Variants in RPTOR observed in about 807,000 individuals in gnomAD.
RPTOR encodes the protein regulatory-associated protein of mTOR.
In RPTOR, 21 loss-of-function variants were observed where a neutral mutation model predicts 169.9. The ratio of observed to expected loss-of-function variants is 0.12; its 90% CI spans 0.09 to 0.18. RPTOR has a LOEUF of 0.18. RPTOR is among the 10% of genes least tolerant of loss of function. RPTOR has a pLI of 1.00. For synonymous variants in RPTOR, 732 were observed against 753.2 expected (o/e 0.97, Z 0.46); for missense variants, 1,133 against 1,855.9 (o/e 0.61, Z 7.16).
At chr17:80,566,220 C>T (rs1219081928) in intron 1 of RPTOR, among the ~76,000 whole-genome samples, 1 of 152,106 alleles carries the variant, frequency 6.6e-6, no homozygotes, top group Non-Finnish European at 1.5e-5. Context: ...TGAGAAATTC[C>T]CTGGGACTGC....
intron 1 of RPTOR, among the ~76,000 whole-genome samples, chr17:80,623,314 G>T (rs1449437157): frequency 1.3e-5 from 2 of 151,974 alleles, no homozygotes; most frequent in Non-Finnish European, 2.9e-5. Flanking sequence ...ATTTAACTAA[G>T]AATTTAGTAA....
At chr17:80,548,705 G>T (rs934381961) in intron 1 of RPTOR, among the ~76,000 whole-genome samples, 2 of 152,012 alleles carry the variant, frequency 1.3e-5, no homozygotes, top group Non-Finnish European at 2.9e-5. Flanking sequence ...GGTTACCTAC[G>T]TAAGAATCTC....
At chr17:80,764,374 A>G (rs200324364) in intron 6 of RPTOR, among the ~76,000 whole-genome samples, 40 of 134,834 alleles carry the variant, frequency 3.0e-4, no homozygotes, top group South Asian at 4.6e-4. Flanking sequence ...ATGTGTTCTC[A>G]TTGTTCAGTT....
At chr17:80,789,105 G>A (rs1346428959) in intron 6 of RPTOR, among the ~76,000 whole-genome samples, 1 of 152,120 alleles carries the variant, frequency 6.6e-6, no homozygotes, top group Non-Finnish European at 1.5e-5. Flanking sequence ...TATTTTCACT[G>A]AATTTATAAT....
At chr17:80,793,611 G>A (rs1296126656) in intron 7 of RPTOR, among the ~76,000 whole-genome samples, 1 of 152,144 alleles carries the variant, frequency 6.6e-6, no homozygotes, top group Non-Finnish European at 1.5e-5. Context: ...GCTGTGTGCT[G>A]TCCCATCCCC....
rs1452299941 is a variant in RPTOR at position 80,609,561 on chromosome 17, A to G, written c.163-16130A>G. ...ATAGTTCGAGACCAGCCTGGCCAACATGGTGAAACCCCATCTCTACTAAAA... is the reference window on the plus strand; with the variant it reads ...ATAGTTCGAGACCAGCCTGGCCAACGTGGTGAAACCCCATCTCTACTAAAA... On this transcript the variant is annotated intron_variant, in intron 1 of 33. Coordinates refer to ENST00000306801, the MANE Select transcript of RPTOR (RefSeq NM_020761.3). The surrounding 1 kb of genome is among the most constrained non-coding windows in gnomAD (Gnocchi z 4.8). 6.6e-6 allele frequency among the ~76,000 whole-genome samples: 1 copy of G among 152,190 alleles called. No homozygotes were observed. The highest frequency in any genetic ancestry group is 6.5e-5 in the Admixed American group (1 of 15,286).
chr17:80,687,114 G>A (rs1037401256), intron 3 of RPTOR, among the ~76,000 whole-genome samples: 2 of 152,334 alleles, frequency 1.3e-5, no homozygotes, highest in Admixed American at 1.3e-4. Flanking sequence ...CCCCTTTTCT[G>A]CAGGCAAAGT....
At chr17:80,677,360 T>A (rs1186679575) in intron 3 of RPTOR, among the ~76,000 whole-genome samples, 1 of 152,200 alleles carries the variant, frequency 6.6e-6, no homozygotes, top group East Asian at 1.9e-4. Flanking sequence ...TGCTCTCCAC[T>A]CTGGAGACAT....
rs1377553709 is a variant in RPTOR, at chr17:80,844,334, A to G, written c.1213-2139A>G. ...TAGTCAGGAATTTTTCTCTTTCTGC[A>G]TGGAGTAGTGACTCCAGCAGTGAGG... On this transcript the variant is annotated intron_variant, in intron 10 of 33. Transcript: ENST00000306801. This position sits in a 1 kb window ranked among gnomAD's most constrained non-coding sequence, Gnocchi z 4.7. 6.6e-6 allele frequency among the ~76,000 whole-genome samples: 1 copy of G among 152,096 alleles called. No homozygotes were observed. Among genetic ancestry groups the G allele is most frequent in the Non-Finnish European group, 1.5e-5 (1 of 68,012 alleles).
Position 80,695,448 on chromosome 17 carries a change from T to C in RPTOR, c.349-12393T>C, listed in dbSNP as rs884204. 0.69 allele frequency among the ~76,000 whole-genome samples: 105,421 copies of C among 152,064 alleles called. 37,792 individuals are homozygous for C. The highest frequency in any genetic ancestry group is 0.88 in the African/African-American group (36,617 of 41,504). ...CTGGGCGGGACCTGTGCTCTCTCCC[T>C]GTAACAGTGGCCTCTGTTACAGAGG... On this transcript the variant is annotated intron_variant, in intron 3 of 33. Coordinates refer to ENST00000306801, the MANE Select transcript of RPTOR (RefSeq NM_020761.3). This position sits in a 1 kb window ranked among gnomAD's most constrained non-coding sequence, Gnocchi z 4.9.
chr17:80,853,308 C>T (rs192444005), intron 11 of RPTOR, among the ~76,000 whole-genome samples: 13 of 152,312 alleles, frequency 8.5e-5, no homozygotes, highest in East Asian at 7.7e-4. Flanking sequence ...CCACCTGCAA[C>T]GCGGTAACCC....
chr17:80,819,001 C>A (rs2067352068), intron 7 of RPTOR, among the ~76,000 whole-genome samples: 1 of 152,176 alleles, frequency 6.6e-6, no homozygotes, highest in Non-Finnish European at 1.5e-5. Flanking sequence ...GAGCTTCAGT[C>A]GATTCAGGAT....
chr17:80,837,986 A>C lies in RPTOR; in HGVS notation c.1201A>C (p.Thr401Pro), dbSNP rs772600066. ...SQLPTIIEEG[T>P]AFRHSPFFAE... ...GCTGCCGACGATCATCGAGGAAGGC[A>C]CTGCGTTTCGGGTGAGTCCCTCCAA... The change falls in exon 10 of 34, where the codon ACT becomes CCT. Residue 401 changes from threonine (T) to proline (P), a missense_variant. Transcript: ENST00000306801. The C allele has an allele frequency of 1.9e-6, 3 of 1,610,282 alleles. No homozygotes were observed. Among genetic ancestry groups the C allele is most frequent in the Non-Finnish European group, 2.5e-6 (3 of 1,178,190 alleles).
chr17:80,919,030 C>T (rs1214711469), intron 21 of RPTOR, among the ~76,000 whole-genome samples: 1 of 152,206 alleles, frequency 6.6e-6, no homozygotes, highest in African/African-American at 2.4e-5. Context: ...GCTGAGACAC[C>T]TCGGCCTCCA....
intron 1 of RPTOR, among the ~76,000 whole-genome samples, chr17:80,592,903 G>A (rs527506952): frequency 1.3e-5 from 2 of 152,184 alleles, no homozygotes; most frequent in Non-Finnish European, 2.9e-5. Flanking sequence ...GCAATGGCGG[G>A]CAGTGCTGTC....
intron 1 of RPTOR, 84 bp downstream of exon 1, chr17:80,545,875 A>G (rs1046151137): frequency 2.7e-5 from 33 of 1,214,954 alleles, no homozygotes; most frequent in Non-Finnish European, 3.5e-5. Flanking sequence ...TCCTTGGGAA[A>G]GCGCCGACAT....
At chr17:80,780,533 G>A (rs562480154) in intron 6 of RPTOR, among the ~76,000 whole-genome samples, 1 of 152,338 alleles carries the variant, frequency 6.6e-6, no homozygotes, top group South Asian at 2.1e-4. Context: ...CGGGCTAGAA[G>A]GGGATTAGTG....
chr17:80,602,533 A>G (rs981311679), intron 1 of RPTOR: 24 of 507,090 alleles, frequency 4.7e-5, no homozygotes, highest in African/African-American at 3.8e-4. Context: ...TATTTGATGT[A>G]TTTGATGATC....
intron 4 of RPTOR, among the ~76,000 whole-genome samples, chr17:80,723,158 A>T (rs2066301627): frequency 6.6e-6 from 1 of 151,110 alleles, no homozygotes; most frequent in Non-Finnish European, 1.5e-5. Flanking sequence ...ACCAACCTTG[A>T]TCACTAGGCT....
Sources: gnomAD v4.1 joint callset for allele counts (sites outside exome capture counted in the v4.1 genomes callset) on GRCh38, gnomAD v4.1.1 for gene constraint, Gnocchi (gnomAD v3.1) non-coding constraint, MANE v1.5 for transcripts, NCBI Gene and HGNC (gene_info 2026-07-23, HGNC 2026-07-21) for gene names.